Variants in PIGB observed in about 807,000 individuals in gnomAD.
The protein encoded by PIGB is phosphatidylinositol glycan anchor biosynthesis class B, also known as GPI alpha-1,2-mannosyltransferase 3.
PIGB carries 58 observed loss-of-function variants against 68.4 expected under a neutral mutation model. The ratio of observed to expected loss-of-function variants is 0.85; its 90% CI spans 0.69 to 1.06. The LOEUF (loss-of-function observed/expected upper bound fraction) is 1.06. PIGB is among the 50% of genes least tolerant of loss of function. The probability of loss-of-function intolerance (pLI) is 0.00; values close to 1 mark genes in which losing one functional copy is unlikely to be tolerated. For synonymous variants in PIGB, 219 were observed against 220.5 expected, an observed-to-expected ratio of 0.99 and a Z score of 0.06; for missense variants, 634 against 655.8, an observed-to-expected ratio of 0.97 and a Z score of 0.36.
chr15:55,341,285 C>T (rs1444806034), intron 8 of PIGB, among the ~76,000 whole-genome samples: 2 of 152,152 alleles, frequency 1.3e-5, no homozygotes, highest in Non-Finnish European at 2.9e-5. Flanking sequence ...TGCTTGAGCC[C>T]AGGAATTTAA....
chr15:55,330,471 A>G (rs997842623), intron 5 of PIGB, among the ~76,000 whole-genome samples: 1 of 152,188 alleles, frequency 6.6e-6, no homozygotes, highest in African/African-American at 2.4e-5. Flanking sequence ...AACAAATACC[A>G]CGCAATGGGA....
intron 9 of PIGB, among the ~76,000 whole-genome samples, chr15:55,347,360 G>A (rs2055817731): frequency 6.6e-6 from 1 of 152,242 alleles, no homozygotes; most frequent in African/African-American, 2.4e-5. Context: ...CCAGGAGGTG[G>A]AGGTTGCAGT....
intron 6 of PIGB, among the ~76,000 whole-genome samples, chr15:55,336,302 T>C (rs1430154387): frequency 6.6e-6 from 1 of 151,522 alleles, no homozygotes; most frequent in Non-Finnish European, 1.5e-5. Context: ...GGCAGGAGGA[T>C]CCCTTCAACC....
At chr15:55,339,380 C>A in intron 7 of PIGB, 62 bp downstream of exon 7, 1 of 1,060,432 alleles carries the variant, frequency 9.4e-7, no homozygotes, top group Non-Finnish European at 1.4e-6. Context: ...TACTTTAGAA[C>A]AGAGGCAAAT....
chr15:55,321,653 T>C (rs1369864189), intron 3 of PIGB, among the ~76,000 whole-genome samples: 3 of 143,022 alleles, frequency 2.1e-5, no homozygotes, highest in African/African-American at 5.2e-5. Flanking sequence ...TTTCTTTTTT[T>C]TTTTTTTTTT....
chr15:55,347,978 AGTTTCT>A (rs1444539626), intron 9 of PIGB, among the ~76,000 whole-genome samples: 2 of 135,308 alleles, frequency 1.5e-5, no homozygotes, highest in Non-Finnish European at 3.1e-5. Context: ...CTAGTGCCAT[AGTTTCT>A]TTTTTTTTTT....
At chr15:55,339,208 T>C in intron 6 of PIGB, 59 bp from the exon 7 acceptor site, 1 of 1,237,700 alleles carries the variant, frequency 8.1e-7, no homozygotes, top group Non-Finnish European at 1.2e-6. Context: ...AGCCATATGC[T>C]AATAGTGGAT....
At chr15:55,352,311 C>T (rs1185192637) in intron 10 of PIGB, among the ~76,000 whole-genome samples, 2 of 152,072 alleles carry the variant, frequency 1.3e-5, no homozygotes, top group African/African-American at 4.8e-5. Flanking sequence ...TTAGGGAATG[C>T]GACTAGATGA....
chr15:55,335,503 A>G (rs561537729), intron 6 of PIGB, among the ~76,000 whole-genome samples: 1 of 152,338 alleles, frequency 6.6e-6, no homozygotes, highest in Non-Finnish European at 1.5e-5. Flanking sequence ...ACATTCTAGT[A>G]GGGAGAGACA....
At position 55,339,304 on chromosome 15, in the gene PIGB, AT is replaced by A. The variant is rs756552559; in HGVS notation, c.840del (p.Phe280LeufsTer12). The A allele has an allele frequency of 1.4e-4, 209 of 1,544,510 alleles. No homozygotes were observed. Among genetic ancestry groups the A allele is most frequent in the Admixed American group, 3.2e-4 (16 of 50,138 alleles). ...GAGTTTGTCTCTGATGATTGATCGTATTTTTTTTGGCCAAGTAAGTAAAAGT... is the reference window on the plus strand; with the variant it reads ...GAGTTTGTCTCTGATGATTGATCGTATTTTTTTGGCCAAGTAAGTAAAAGT... ...TLSLSLMIDR[I>X]FFGQWTLVQF... is the part of the protein sequence containing the mutation. On this transcript the variant is annotated frameshift_variant, in exon 7 of 12. Transcript: ENST00000164305. LOFTEE classifies it high-confidence loss of function.
chr15:55,325,673 T>A (rs1479858881), intron 3 of PIGB, among the ~76,000 whole-genome samples: 1 of 152,148 alleles, frequency 6.6e-6, no homozygotes, highest in African/African-American at 2.4e-5. Flanking sequence ...TCCTAGCACT[T>A]TGGGAGGCTG....
intron 6 of PIGB, among the ~76,000 whole-genome samples, chr15:55,336,024 G>A (rs2055526825): frequency 7.4e-6 from 1 of 134,742 alleles, no homozygotes; most frequent in Admixed American, 7.3e-5. Context: ...TGCTCTCAAA[G>A]TCAAAGTCTG....
At chr15:55,328,567 T>C (rs2055341989) in intron 4 of PIGB, among the ~76,000 whole-genome samples, 1 of 152,182 alleles carries the variant, frequency 6.6e-6, no homozygotes, top group African/African-American at 2.4e-5. Flanking sequence ...GATTCAGCAA[T>C]ATGGTTAGCC....
intron 7 of PIGB, 35 bp from the exon 8 acceptor site, chr15:55,340,557 AGATTACTACTTGGCACTAAC>A: frequency 2.6e-6 from 3 of 1,168,606 alleles, no homozygotes; most frequent in South Asian, 2.8e-5. Context: ...CTAATGCCAA[AGATTACTACTTGGCACTAAC>A]ACATTTCTAT....
intron 7 of PIGB, chr15:55,340,106 C>T (rs2055628999): frequency 6.6e-6 from 1 of 152,152 alleles, no homozygotes; most frequent in African/African-American, 2.4e-5. Context: ...ACAAGGAACA[C>T]ATTAATACTT....
At chr15:55,329,221 T>G (rs931228194) in intron 4 of PIGB, among the ~76,000 whole-genome samples, 2 of 152,244 alleles carry the variant, frequency 1.3e-5, no homozygotes, top group African/African-American at 4.8e-5. Flanking sequence ...TCCTGACTTT[T>G]TTTTCCTCTT....
intron 6 of PIGB, among the ~76,000 whole-genome samples, chr15:55,337,508 G>A (rs536599427): frequency 2.0e-5 from 3 of 152,174 alleles, no homozygotes; most frequent in Non-Finnish European, 2.9e-5. Context: ...GTTGTGCTCC[G>A]TATGAGCATC....
At chr15:55,354,724 AATGAC>A (rs1348932156) in intron 10 of PIGB, 69 bp from the exon 11 acceptor site, 1 of 1,176,360 alleles carries the variant, frequency 8.5e-7, no homozygotes, top group African/African-American at 1.6e-5. Flanking sequence ...GCTAAGTATA[AATGAC>A]ATATCTTAAG....
Position 55,319,302 on chromosome 15 carries a change from A to G in PIGB, c.52A>G (p.Ser18Gly). ...AATGGAGCCGGGGGGCGGAGATGCC[A>G]GCCTCACTTTGCATGGTCTCCAGAA... ...CGMEPGGGDA[S>G]LTLHGLQNRS... is the part of the protein sequence containing the mutation. Residue 18 changes from serine (S) to glycine (G), a missense_variant, in exon 1 of 12, where the codon AGC becomes GGC. Ser to Gly is a moderately conservative substitution (Grantham distance 56). Coordinates refer to ENST00000164305, the MANE Select transcript of PIGB (RefSeq NM_004855.5). 6.2e-7 allele frequency: 1 copy of G among 1,604,460 alleles called. No individual in the cohort carries two copies. Among genetic ancestry groups the G allele is most frequent in the South Asian group, 1.1e-5 (1 of 88,624 alleles).
Sources: allele counts gnomAD v4.1 joint callset (sites outside exome capture counted in the v4.1 genomes callset), GRCh38; gene constraint gnomAD v4.1.1; transcripts MANE v1.5; gene names NCBI Gene and HGNC (gene_info 2026-07-23, HGNC 2026-07-21).